Variants in GK5 observed in about 807,000 individuals in gnomAD.
The protein encoded by GK5 is glycerol kinase 5.
Under a neutral mutation model 77.3 loss-of-function variants are expected in GK5, and 39 were observed. The ratio of observed to expected loss-of-function variants is 0.50; its 90% CI spans 0.39 to 0.66. The LOEUF (loss-of-function observed/expected upper bound fraction) is 0.66, where lower values mean the gene tolerates loss of function less well. Among genes scored for constraint, GK5 ranks in the 30% least tolerant of loss-of-function variants. The pLI is 0.00. For synonymous variants in GK5, 211 were observed against 208.0 expected (o/e 1.01, Z -0.13); for missense variants, 487 against 633.8 (o/e 0.77, Z 2.49).
At chr3:142,187,598 C>T in intron 6 of GK5, 106 bp downstream of exon 6, 1 of 766,478 alleles carries the variant, frequency 1.3e-6, no homozygotes, top group Non-Finnish European at 2.1e-6. Flanking sequence ...GAGCGAGACC[C>T]TAGCTCAAAA....
At chr3:142,170,553 T>C (rs2063524168) in intron 14 of GK5, 95 bp from the exon 15 acceptor site, 1 of 1,005,872 alleles carries the variant, frequency 9.9e-7, no homozygotes, top group African/African-American at 1.6e-5. Context: ...CTTGATTTTA[T>C]TTTATAAATT....
chr3:142,184,260 C>CAAAAAAAAAAAAA lies in GK5; in HGVS notation c.817-1224_817-1212dup, dbSNP rs1161704184. On this transcript the variant is annotated intron_variant, in intron 9 of 15. Coordinates refer to ENST00000392993, the MANE Select transcript of GK5 (RefSeq NM_001039547.3). ...TGGGCGACAGAGTGAGACTCTGTCTCAAAAAAAAAAAAAAAAAAAAAAAAA... is the reference window on the plus strand; with the variant it reads ...TGGGCGACAGAGTGAGACTCTGTCTCAAAAAAAAAAAAAAAAAAAAAAAAAAAAAAAAAAAAAA... 2.8e-3 allele frequency among the ~76,000 whole-genome samples: 30 copies of CAAAAAAAAAAAAA among 10,660 alleles called. 1 individual carries two copies. The highest frequency in any genetic ancestry group is 5.0e-3 in the African/African-American group (13 of 2,578). The allele number at this position is 10,660 out of a possible 152,430, so 7.0% of individuals were successfully genotyped here.
intron 4 of GK5, among the ~76,000 whole-genome samples, chr3:142,203,501 G>A (rs769548278): frequency 3.3e-5 from 5 of 152,296 alleles, no homozygotes; most frequent in African/African-American, 9.6e-5. Context: ...TGGGCCAGGC[G>A]CGATGACTGA....
intron 3 of GK5, 75 bp downstream of exon 3, chr3:142,213,441 TAAAACTCCCC>T: frequency 1.2e-6 from 1 of 861,534 alleles, no homozygotes. Flanking sequence ...TTCAGAAAGT[TAAAACTCCCC>T]AAAGAGATTT....
At chr3:142,166,994 T>C (rs1362069374) in intron 15 of GK5, among the ~76,000 whole-genome samples, 2 of 152,330 alleles carry the variant, frequency 1.3e-5, no homozygotes, top group Non-Finnish European at 2.9e-5. Flanking sequence ...CCAATAAAAC[T>C]GACACATTAA....
At chr3:142,223,292 AC>A (rs551563050) in intron 1 of GK5, among the ~76,000 whole-genome samples, 11 of 152,386 alleles carry the variant, frequency 7.2e-5, no homozygotes, top group African/African-American at 2.6e-4. Flanking sequence ...ACAAAAACAA[AC>A]AAAAAAACAG....
At position 142,215,501 on chromosome 3, in the gene GK5, A is replaced by T. The variant is rs1220727300; in HGVS notation, c.241+98T>A. 4.7e-6 allele frequency: 3 copies of T among 637,650 alleles called. No individual in the cohort carries two copies. The East Asian group carries it at 8.5e-5, about 18-fold the overall frequency. The allele number at this position is 637,650 out of a possible 1,614,324, so 39.5% of individuals were successfully genotyped here. A position where few individuals can be genotyped will look rare whatever the true frequency, so the allele number is the denominator to read the frequency against. On this transcript the variant is annotated intron_variant, in intron 2 of 15. Transcript: ENST00000392993. ...GTAATCCCAATAAAATACTATATAT[A>T]TGTATAACTTAGGAAAACCACAACT...
Position 142,163,095 on chromosome 3 carries a change from T to C in GK5, c.*2527A>G, listed in dbSNP as rs375963200. On this transcript the variant is annotated 3_prime_UTR_variant, in exon 16 of 16. Coordinates refer to ENST00000392993, the MANE Select transcript of GK5 (RefSeq NM_001039547.3). ...GCAAATGTGGTCATGTTTCTGATTT[T>C]AGTTAAGTCCAAAAATATTTATTAA... 2 of 152,226 alleles carry C rather than the reference T, an allele frequency of 1.3e-5. No homozygotes were observed. Among genetic ancestry groups the C allele is most frequent in the East Asian group, 1.9e-4 (1 of 5,184 alleles). The allele number at this position is 152,226 out of a possible 1,614,324, so 9.4% of individuals were successfully genotyped here.
intron 6 of GK5, among the ~76,000 whole-genome samples, 153 bp downstream of exon 6, chr3:142,187,551 G>C (rs998580285): frequency 2.6e-5 from 4 of 151,194 alleles, no homozygotes; most frequent in South Asian, 2.1e-4. Context: ...GCTGCAGTGA[G>C]CCATGATTAC....
chr3:142,174,787 G>A (rs960883587), intron 12 of GK5, among the ~76,000 whole-genome samples: 1 of 152,140 alleles, frequency 6.6e-6, no homozygotes, highest in South Asian at 2.1e-4. Context: ...TGACTGAAAC[G>A]CAAAAGGACA....
intron 12 of GK5, among the ~76,000 whole-genome samples, chr3:142,174,894 T>C (rs1036930068): frequency 1.3e-5 from 2 of 152,044 alleles, no homozygotes; most frequent in African/African-American, 2.4e-5. Context: ...AAAGGATGCA[T>C]AAGGTAGAGG....
chr3:142,170,377 G>T lies in GK5; in HGVS notation c.1389C>A (p.Ala463=). The T allele has an allele frequency of 6.2e-7, 1 of 1,613,816 alleles. No homozygotes were observed. Among genetic ancestry groups the T allele is most frequent in the Non-Finnish European group, 8.5e-7 (1 of 1,179,796 alleles). ...CACCCAGGCATGACATGTCAATGTC[G>T]GCAGGTCTGTCTATATTCTCATTAA... The part of the protein sequence containing the change: ...DLINENIDRP[A]DIDMSCLGAA... The change falls in exon 15 of 16, where the codon GCC becomes GCA. Residue 463 remains alanine, a synonymous_variant. Coordinates refer to ENST00000392993, the MANE Select transcript of GK5 (RefSeq NM_001039547.3).
chr3:142,224,266 C>G (rs572332611), intron 1 of GK5, among the ~76,000 whole-genome samples: 1 of 152,128 alleles, frequency 6.6e-6, no homozygotes, highest in South Asian at 2.1e-4. Flanking sequence ...CAAATTTAGC[C>G]AGGCATGGTG....
rs773359389 is a variant in GK5 at position 142,172,438 on chromosome 3, A to C, written c.1162T>G (p.Trp388Gly). ...AAACCCATAAAAGAGGCACATGCCCAGGGGTCATTTAATGGAGCCTACAGT... is the reference window on the plus strand; with the variant it reads ...AAACCCATAAAAGAGGCACATGCCCCGGGGTCATTTAATGGAGCCTACAGT... ...SGLQAPLNDP[W>G]ACASFMGLKP... is the part of the protein sequence containing the mutation. The change falls in exon 13 of 16, where the codon TGG becomes GGG. Residue 388 changes from tryptophan (W) to glycine (G), a missense_variant. This residue lies in a region of GK5 where 323 missense variants were observed against 437.4 expected (regional missense o/e 0.74). Transcript: ENST00000392993. The C allele has an allele frequency of 6.3e-7, 1 of 1,595,652 alleles. No individual in the cohort carries two copies. The highest frequency in any genetic ancestry group is 1.7e-5 in the Admixed American group (1 of 59,828).
chr3:142,168,591 T>C lies in GK5; in HGVS notation c.1441+1734A>G, dbSNP rs182745459. ...AAGAAACACATTAAAATACTCTGAGTATCCTAAGGCATCATCCTGCTTTCT... is the reference window on the plus strand; with the variant it reads ...AAGAAACACATTAAAATACTCTGAGCATCCTAAGGCATCATCCTGCTTTCT... On this transcript the variant is annotated intron_variant, in intron 15 of 15. Coordinates refer to ENST00000392993, the MANE Select transcript of GK5 (RefSeq NM_001039547.3). Among the ~76,000 whole-genome samples, 17 of 152,258 alleles carry C rather than the reference T, an allele frequency of 1.1e-4. No individual in the cohort carries two copies. The East Asian group carries it at 3.3e-3, about 29-fold the overall frequency.
At chr3:142,193,756 G>C (rs2063889101) in intron 5 of GK5, among the ~76,000 whole-genome samples, 1 of 151,876 alleles carries the variant, frequency 6.6e-6, no homozygotes, top group Non-Finnish European at 1.5e-5. Flanking sequence ...TTTTGTGTGT[G>C]GGTAGACAGC....
intron 5 of GK5, among the ~76,000 whole-genome samples, chr3:142,197,967 G>A (rs1408415580): frequency 1.3e-5 from 2 of 151,134 alleles, no homozygotes; most frequent in Non-Finnish European, 2.9e-5. Context: ...AGTTTACAGT[G>A]AGCTGAGATC....
chr3:142,167,019 A>T (rs1298332053), intron 15 of GK5, among the ~76,000 whole-genome samples: 1 of 152,108 alleles, frequency 6.6e-6, no homozygotes, highest in African/African-American at 2.4e-5. Context: ...TCCTTTCTAA[A>T]ATTTTGTCAG....
At chr3:142,224,998 T>A (rs971079673) in intron 1 of GK5, among the ~76,000 whole-genome samples, 1 of 152,122 alleles carries the variant, frequency 6.6e-6, no homozygotes, top group Non-Finnish European at 1.5e-5. Context: ...GTCACCTCAG[T>A]CCCATCCAGG....
Sources: allele counts gnomAD v4.1 joint callset (sites outside exome capture counted in the v4.1 genomes callset), GRCh38; gene constraint gnomAD v4.1.1; regional missense constraint gnomAD v4.1.1; transcripts MANE v1.5; gene names NCBI Gene and HGNC (gene_info 2026-07-23, HGNC 2026-07-21).